Variants in FRAS1 observed in about 807,000 individuals in gnomAD.
FRAS1 encodes the protein extracellular matrix organizing protein FRAS1.
In FRAS1, 290 loss-of-function variants were observed where a neutral mutation model predicts 435.2. The ratio of observed to expected loss-of-function variants is 0.67; its 90% CI spans 0.61 to 0.73. The LOEUF (loss-of-function observed/expected upper bound fraction) is 0.73. FRAS1 is among the 30% of genes least tolerant of loss of function. The pLI is 0.00. For synonymous variants in FRAS1, 1,800 were observed against 1,851.0 expected, an observed-to-expected ratio of 0.97 and a Z score of 0.71; for missense variants, 4,860 against 5,001.5, an observed-to-expected ratio of 0.97 and a Z score of 0.85.
chr4:78,434,646 C>A (rs922412581), intron 38 of FRAS1, among the ~76,000 whole-genome samples: 6 of 151,914 alleles, frequency 3.9e-5, no homozygotes, highest in African/African-American at 1.5e-4. Context: ...AGAAAATAAT[C>A]TCTTGACAAA....
rs1727324935 is a variant in FRAS1, at chr4:78,281,415, T to C, written c.1089T>C (p.Ser363=). ...GTTCCTAGATGTCATCAAATGCTAGTGAAGTTAAACGTATTCCAGTAAGTA... is the reference window on the plus strand; with the variant it reads ...GTTCCTAGATGTCATCAAATGCTAGCGAAGTTAAACGTATTCCAGTAAGTA... ...ETGEFMSSNA[S]EVKRIPEGEK... Residue 363 remains serine, a synonymous_variant, in exon 11 of 74, where the codon AGT becomes AGC. Coordinates refer to ENST00000512123, the MANE Select transcript of FRAS1 (RefSeq NM_025074.7). The C allele has an allele frequency of 1.9e-6, 3 of 1,576,416 alleles. No individual in the cohort carries two copies. The highest frequency in any genetic ancestry group is 1.7e-4 in the Middle Eastern group (1 of 5,982).
At chr4:78,206,679 C>T (rs1459262653) in intron 2 of FRAS1, among the ~76,000 whole-genome samples, 1 of 152,066 alleles carries the variant, frequency 6.6e-6, no homozygotes, top group African/African-American at 2.4e-5. Context: ...GAACAATGAA[C>T]TTATTTAAGC....
rs554529650 is a variant in FRAS1, at chr4:78,537,963, A to G, written c.11298+763A>G. 2.0e-5 allele frequency among the ~76,000 whole-genome samples: 3 copies of G among 152,156 alleles called. No individual in the cohort carries two copies. In the South Asian group the frequency reaches 6.2e-4, roughly 32 times the overall value. The stretch of plus-strand genomic sequence containing the variant: ...CCTATCTCAAAAAAAAAAAAGAAAA[A>G]AAAAAGCCATAATTGTTTGAAAAAG... On this transcript the variant is annotated intron_variant, in intron 72 of 73. Coordinates refer to ENST00000512123, the MANE Select transcript of FRAS1 (RefSeq NM_025074.7).
intron 70 of FRAS1, among the ~76,000 whole-genome samples, chr4:78,527,949 G>A (rs999569063): frequency 2.0e-5 from 3 of 152,122 alleles, no homozygotes; most frequent in African/African-American, 7.2e-5. Flanking sequence ...AGGGCATGAG[G>A]GAAGGGCTGG....
intron 30 of FRAS1, among the ~76,000 whole-genome samples, chr4:78,405,535 C>A (rs184497443): frequency 1.3e-4 from 20 of 152,228 alleles, no homozygotes; most frequent in Non-Finnish European, 1.8e-4. Context: ...TCATTACCAT[C>A]CAGAATATTA....
At chr4:78,536,626 G>C (rs112061595) in intron 71 of FRAS1, among the ~76,000 whole-genome samples, 8 of 152,116 alleles carry the variant, frequency 5.3e-5, no homozygotes, top group South Asian at 2.1e-4. Flanking sequence ...GTATGAGTTT[G>C]ATAAATATGA....
chr4:78,417,546 G>A (rs1733600490), intron 32 of FRAS1, among the ~76,000 whole-genome samples: 1 of 152,178 alleles, frequency 6.6e-6, no homozygotes, highest in African/African-American at 2.4e-5. Flanking sequence ...ATATTAGGGT[G>A]AGAGACCAGC....
Position 78,365,741 on chromosome 4 carries a change from AAAAAAAAAAC to A in FRAS1, c.2722+1697_2722+1706del, listed in dbSNP as rs768977001. Among the ~76,000 whole-genome samples, 107 of 135,432 alleles carry A rather than the reference AAAAAAAAAAC, an allele frequency of 7.9e-4. 1 individual carries two copies. The Middle Eastern group carries it at 0.026, about 33-fold the overall frequency. 88.8% of individuals were successfully genotyped at this position (135,432 alleles called of 152,430 possible). A position where few individuals can be genotyped will look rare whatever the true frequency, so the allele number is the denominator to read the frequency against. ...ATATTTGAGTTTCTAGTACATTAAA[AAAAAAAAAAC>A]AAAAAAAAAAAACAGCCTGACCAAC... is the stretch of plus-strand genomic sequence containing the variant. On this transcript the variant is annotated intron_variant, in intron 22 of 73. Transcript: ENST00000512123.
intron 2 of FRAS1, among the ~76,000 whole-genome samples, chr4:78,102,771 C>G (rs150727675): frequency 2.6e-5 from 4 of 152,234 alleles, no homozygotes; most frequent in Non-Finnish European, 5.9e-5. Context: ...ATCCCTGCTT[C>G]AGATCTGAGG....
At chr4:78,466,627 A>G (rs929196780) in intron 50 of FRAS1, among the ~76,000 whole-genome samples, 192 bp downstream of exon 50, 4 of 152,218 alleles carry the variant, frequency 2.6e-5, no homozygotes, top group African/African-American at 9.6e-5. Flanking sequence ...TGCTTCAAAT[A>G]GTTGGTTTAA....
intron 2 of FRAS1, among the ~76,000 whole-genome samples, chr4:78,106,118 T>G (rs1220569536): frequency 1.8e-5 from 2 of 113,090 alleles, no homozygotes; most frequent in African/African-American, 6.9e-5. Flanking sequence ...ATCTCGCTGA[T>G]TGCTAGCACA....
At chr4:78,275,455 G>A (rs13116814) in intron 9 of FRAS1, among the ~76,000 whole-genome samples, 44,125 of 151,994 alleles carry the variant, frequency 0.29, 6,995 homozygotes, top group East Asian at 0.38. Flanking sequence ...GCTGGCACCG[G>A]TTGTTCCTTT....
chr4:78,411,384 T>C (rs1276929080), intron 31 of FRAS1, among the ~76,000 whole-genome samples: 1 of 152,190 alleles, frequency 6.6e-6, no homozygotes, highest in African/African-American at 2.4e-5. Flanking sequence ...AGTGCTGGGA[T>C]TACAGGCGTG....
At chr4:78,087,524 C>G (rs1741251373) in intron 2 of FRAS1, among the ~76,000 whole-genome samples, 1 of 152,266 alleles carries the variant, frequency 6.6e-6, no homozygotes, top group African/African-American at 2.4e-5. Flanking sequence ...CTGTAGAAAA[C>G]CCCATGGTCT....
chr4:78,086,315 A>G (rs965962749), intron 2 of FRAS1, among the ~76,000 whole-genome samples: 2 of 152,232 alleles, frequency 1.3e-5, no homozygotes, highest in African/African-American at 4.8e-5. Flanking sequence ...TGCCCACAAG[A>G]GAAAGCAGGA....
intron 4 of FRAS1, among the ~76,000 whole-genome samples, chr4:78,250,410 A>G (rs564838514): frequency 2.6e-5 from 4 of 152,316 alleles, no homozygotes; most frequent in African/African-American, 9.6e-5. Flanking sequence ...ATTTCCTGTT[A>G]TTAGATATTT....
chr4:78,313,203 T>G (rs772726984), intron 15 of FRAS1, among the ~76,000 whole-genome samples: 2 of 152,148 alleles, frequency 1.3e-5, no homozygotes, highest in Non-Finnish European at 2.9e-5. Flanking sequence ...GAGGGAAGAA[T>G]GCTTTTCAGA....
intron 2 of FRAS1, among the ~76,000 whole-genome samples, chr4:78,168,250 T>TGGG (rs1721413334): frequency 6.6e-6 from 1 of 152,054 alleles, no homozygotes; most frequent in Non-Finnish European, 1.5e-5. Flanking sequence ...ATGAGACACA[T>TGGG]AGCGTATGGT....
At chr4:78,089,613 C>T (rs902707640) in intron 2 of FRAS1, among the ~76,000 whole-genome samples, 15 of 151,752 alleles carry the variant, frequency 9.9e-5, no homozygotes, top group African/African-American at 3.4e-4. Flanking sequence ...AACTCCAGGT[C>T]CCTTTGACTT....
Sources: gnomAD v4.1 joint callset for allele counts (sites outside exome capture counted in the v4.1 genomes callset) on GRCh38, gnomAD v4.1.1 for gene constraint, MANE v1.5 for transcripts, NCBI Gene and HGNC (gene_info 2026-07-23, HGNC 2026-07-21) for gene names.